MTERF4: variants seen among roughly 807,000 people sequenced by gnomAD.
MTERF4 encodes mitochondrial transcription termination factor 4, also known as transcription termination factor 4, mitochondrial.
A neutral mutation model predicts 22.5 loss-of-function variants in MTERF4; 17 were observed. The ratio of observed to expected loss-of-function variants is 0.75; its 90% CI spans 0.52 to 1.13. The LOEUF (loss-of-function observed/expected upper bound fraction) is 1.13. MTERF4 is among the 50% of genes most tolerant of loss of function. The probability of loss-of-function intolerance (pLI) is 0.00; values close to 1 mark genes in which losing one functional copy is unlikely to be tolerated. For missense variants in MTERF4, 420 were observed against 466.8 expected (o/e 0.90, Z 0.92); for synonymous variants, 165 against 175.3 (o/e 0.94, Z 0.47).
chr2:241,053,097 T>C, the MTERF4 span: 5 of 1,532,822 alleles, frequency 3.3e-6, no homozygotes, highest in East Asian at 1.2e-4. Context: ...GGCAGGGCGG[T>C]GGGGAGGGGC....
Position 241,073,215 on chromosome 2 carries a change from T to G in MTERF4, n.2947A>C. 1 of 1,385,824 alleles carries G rather than the reference T, an allele frequency of 7.2e-7. No homozygotes were observed. The allele number at this position is 1,385,824 out of a possible 1,614,324, so 85.8% of individuals were successfully genotyped here. A position where few individuals can be genotyped will look rare whatever the true frequency, so the allele number is the denominator to read the frequency against. On this transcript the variant is annotated non_coding_transcript_exon_variant, in exon 5 of 5. Coordinates refer to the MTERF4 transcript ENST00000464344. This position sits in a 1 kb window ranked among gnomAD's most constrained non-coding sequence, Gnocchi z 6.6. ...ACTCAAAAGGGTGGCCCCAGGACCA[T>G]CCCGGGTGCAAAGCAGCTGCGCCGT... is the stretch of plus-strand genomic sequence containing the variant.
downstream of MTERF4, chr2:241,090,352 C>G (rs1028168162): frequency 1.5e-5 from 23 of 1,550,170 alleles, no homozygotes; most frequent in African/African-American, 3.0e-4. Flanking sequence ...GAGCTGCCAC[C>G]TCCTGTGACA....
chr2:241,071,160 A>G (rs1172480535), downstream of MTERF4, among the ~76,000 whole-genome samples: 1 of 152,166 alleles, frequency 6.6e-6, no homozygotes, highest in Non-Finnish European at 1.5e-5. Flanking sequence ...CTCAGGGCAC[A>G]TGCTGGGGTG....
the MTERF4 span, among the ~76,000 whole-genome samples, chr2:241,060,657 T>TA: frequency 6.6e-6 from 1 of 152,138 alleles, no homozygotes; most frequent in East Asian, 1.9e-4. Context: ...AAAAAAACTA[T>TA]ACAGGGCCGG....
Position 241,073,546 on chromosome 2 carries a change from A to G in MTERF4, n.2616T>C, listed in dbSNP as rs564768057. The stretch of plus-strand genomic sequence containing the variant: ...TGGGGTGAAGCTACACCACCCAAGC[A>G]GTGGGACCCCACAGACGGGAACAGG... On this transcript the variant is annotated non_coding_transcript_exon_variant, in exon 5 of 5. Coordinates refer to the MTERF4 transcript ENST00000464344. This position sits in a 1 kb window ranked among gnomAD's most constrained non-coding sequence, Gnocchi z 6.6. 1 of 645,034 alleles carries G rather than the reference A, an allele frequency of 1.6e-6. No homozygotes were observed. The allele number at this position is 645,034 out of a possible 1,614,324, so 40.0% of individuals were successfully genotyped here. A position where few individuals can be genotyped will look rare whatever the true frequency, so the allele number is the denominator to read the frequency against.
At chr2:241,052,599 A>G in the MTERF4 span, 378,686 of 615,234 alleles carry the variant, frequency 0.62, 111,305 homozygotes, top group East Asian at 0.82. Context: ...GCCAAGCAGG[A>G]TATATGGGAT....
Position 241,073,846 on chromosome 2 carries a change from T to C in MTERF4, n.2316A>G, listed in dbSNP as rs908152362. 5.1e-6 allele frequency: 1 copy of C among 197,586 alleles called. No homozygotes were observed. The highest frequency in any genetic ancestry group is 2.3e-5 in the African/African-American group (1 of 43,230). 12.2% of individuals were successfully genotyped at this position (197,586 alleles called of 1,614,324 possible). On this transcript the variant is annotated non_coding_transcript_exon_variant, in exon 5 of 5. Transcript: ENST00000464344. The surrounding 1 kb of genome is among the most constrained non-coding windows in gnomAD (Gnocchi z 6.6). ...ATGCAGGACCTGAACTGTCTCCTAG[T>C]CCGGGGCTCTGCCTCGTGAGGATCG...
At chr2:241,060,137 A>T in the MTERF4 span, among the ~76,000 whole-genome samples, 1 of 152,232 alleles carries the variant, frequency 6.6e-6, no homozygotes, top group Non-Finnish European at 1.5e-5. Context: ...ATAAATTTTT[A>T]AATGCGTAAA....
At chr2:241,051,747 G>C in the MTERF4 span, 1 of 1,503,224 alleles carries the variant, frequency 6.7e-7, no homozygotes, top group Non-Finnish European at 8.9e-7. This position sits in a 1 kb window ranked among gnomAD's most constrained non-coding sequence, Gnocchi z 4.7. Context: ...CACACAGCCC[G>C]GCCACACCTG....
chr2:241,085,604 G>A (rs1055220348), downstream of MTERF4, among the ~76,000 whole-genome samples: 1 of 152,024 alleles, frequency 6.6e-6, no homozygotes, highest in African/African-American at 2.4e-5. Flanking sequence ...TCTAGGTTAT[G>A]GGTCACTTTT....
At position 241,097,363 on chromosome 2, in the gene MTERF4, G is replaced by A. The variant is rs116377261; in HGVS notation, c.585C>T (p.Asn195=). Residue 195 remains asparagine, a synonymous_variant, in exon 3 of 4, where the codon AAC becomes AAT. Transcript: ENST00000391980. ...TCTCCTTGAGAAGCCTGACAGTGTC[G>A]TTAATGTCCTGCTGGCGCATGGTGA... ...EIFTMRQQDI[N]DTVRLLKEKC... 21 of 1,614,060 alleles carry A rather than the reference G, an allele frequency of 1.3e-5. No homozygotes were observed. In the East Asian group the frequency reaches 1.3e-4, roughly 10 times the overall value.
chr2:241,099,222 G>A lies in MTERF4; in HGVS notation c.520+174C>T, dbSNP rs139327431. 2,569 of 662,030 alleles carry A rather than the reference G, an allele frequency of 3.9e-3. 58 individuals carry two copies. The African/African-American group carries it at 0.043, about 11-fold the overall frequency. 41.0% of individuals were successfully genotyped at this position (662,030 alleles called of 1,614,324 possible). A position where few individuals can be genotyped will look rare whatever the true frequency, so the allele number is the denominator to read the frequency against. On this transcript the variant is annotated intron_variant, in intron 2 of 3. Coordinates refer to ENST00000391980, the MANE Select transcript of MTERF4 (RefSeq NM_182501.4). ...CCCAAGTAGCTGGAATTACAGGTGCGTGCCACCAAGCCCAGCTAATTTTTC... is the reference window on the plus strand; with the variant it reads ...CCCAAGTAGCTGGAATTACAGGTGCATGCCACCAAGCCCAGCTAATTTTTC...
the MTERF4 span, chr2:241,051,639 G>C: frequency 1.1e-6 from 1 of 911,432 alleles, no homozygotes; most frequent in Non-Finnish European, 1.6e-6. This position sits in a 1 kb window ranked among gnomAD's most constrained non-coding sequence, Gnocchi z 4.7. Context: ...TCGTCGAGAA[G>C]GCCCCACCAG....
the MTERF4 span, among the ~76,000 whole-genome samples, chr2:241,043,930 G>C: frequency 6.6e-6 from 1 of 152,168 alleles, no homozygotes; most frequent in Non-Finnish European, 1.5e-5. Flanking sequence ...CAATGTAAAA[G>C]ATAAGAAGAA....
chr2:241,050,549 C>T, the MTERF4 span, among the ~76,000 whole-genome samples: 1 of 152,294 alleles, frequency 6.6e-6, no homozygotes, highest in Admixed American at 6.5e-5. Context: ...GGTGTGGAGC[C>T]TTCCACGGCC....
At chr2:241,068,213 C>CCGGGGGCACACTTTCCA (rs2062544865), downstream of MTERF4, among the ~76,000 whole-genome samples, 1 of 152,138 alleles carries the variant, frequency 6.6e-6, no homozygotes, top group South Asian at 2.1e-4. This position sits in a 1 kb window ranked among gnomAD's most constrained non-coding sequence, Gnocchi z 5.3. Context: ...CTCAGAAAAT[C>CCGGGGGCACACTTTCCA]CGGGGGCACA....
downstream of MTERF4, chr2:241,071,959 A>C (rs1476757769): frequency 9.6e-6 from 11 of 1,151,354 alleles, no homozygotes; most frequent in Non-Finnish European, 1.3e-5. Flanking sequence ...TGTCCCCTAC[A>C]TGATGAGCCC....
At chr2:241,070,393 T>C (rs1278033055), downstream of MTERF4, among the ~76,000 whole-genome samples, 23 of 152,242 alleles carry the variant, frequency 1.5e-4, no homozygotes, top group Admixed American at 1.5e-3. Context: ...GAAGGACTCA[T>C]GGGCAGGTGG....
the MTERF4 span, chr2:241,064,931 G>T: frequency 6.3e-7 from 1 of 1,586,540 alleles, no homozygotes; most frequent in Non-Finnish European, 8.5e-7. This position sits in a 1 kb window ranked among gnomAD's most constrained non-coding sequence, Gnocchi z 7.0. Context: ...TGCAAAGTGG[G>T]CTACACGGGC....
Sources: allele counts gnomAD v4.1 joint callset (sites outside exome capture counted in the v4.1 genomes callset), GRCh38; gene constraint gnomAD v4.1.1; non-coding constraint Gnocchi (gnomAD v3.1); transcripts MANE v1.5; gene names NCBI Gene and HGNC (gene_info 2026-07-23, HGNC 2026-07-21).